KCNB2: variants seen among roughly 807,000 people sequenced by gnomAD.
The protein encoded by KCNB2 is potassium voltage-gated channel subfamily B member 2, also known as delayed rectifier potassium channel protein.
KCNB2 carries 15 observed loss-of-function variants against 61.5 expected under a neutral mutation model. The ratio of observed to expected loss-of-function variants is 0.24; its 90% CI spans 0.16 to 0.38. The LOEUF (loss-of-function observed/expected upper bound fraction) is 0.38. Among genes scored for constraint, KCNB2 ranks in the 10% least tolerant of loss-of-function variants. The pLI, the probability that KCNB2 is intolerant of heterozygous loss-of-function variation, is 1.00. For synonymous variants in KCNB2, 457 were observed against 446.0 expected (o/e 1.02, Z -0.31); for missense variants, 828 against 1,125.2 (o/e 0.74, Z 3.78).
intron 2 of KCNB2, among the ~76,000 whole-genome samples, chr8:72,787,290 G>A (rs1315987730): frequency 2.0e-5 from 3 of 151,980 alleles, no homozygotes; most frequent in Non-Finnish European, 4.4e-5. Flanking sequence ...GATACTTGGG[G>A]TGGGGCTGAG....
Position 72,763,956 on chromosome 8 carries a change from C to A in KCNB2, c.580-171979C>A, listed in dbSNP as rs1458672618. On this transcript the variant is annotated intron_variant, in intron 2 of 2. Coordinates refer to ENST00000523207, the MANE Select transcript of KCNB2 (RefSeq NM_004770.3). Reference sequence around the variant, plus strand: ...TCCGAGGCAGAGCAAACAGAATATACAAGGCACAGGCACAGCAGAGACCTT... The same window carrying A: ...TCCGAGGCAGAGCAAACAGAATATAAAAGGCACAGGCACAGCAGAGACCTT... Among the ~76,000 whole-genome samples the A allele has an allele frequency of 2.0e-5, 3 of 152,058 alleles. No individual in the cohort carries two copies. The South Asian group carries it at 6.2e-4, about 32-fold the overall frequency.
chr8:72,564,847 A>G (rs557986275), intron 1 of KCNB2, among the ~76,000 whole-genome samples: 1 of 152,298 alleles, frequency 6.6e-6, no homozygotes, highest in East Asian at 1.9e-4. Context: ...GAATTTATTT[A>G]ATAGACACTA....
chr8:72,738,538 T>C (rs572366176), intron 2 of KCNB2, among the ~76,000 whole-genome samples: 1 of 152,336 alleles, frequency 6.6e-6, no homozygotes, highest in South Asian at 2.1e-4. Flanking sequence ...GCGTCTATCC[T>C]TCAGAGCCAG....
At chr8:72,688,102 G>A (rs956059644) in intron 2 of KCNB2, among the ~76,000 whole-genome samples, 4 of 152,134 alleles carry the variant, frequency 2.6e-5, no homozygotes, top group Non-Finnish European at 5.9e-5. Flanking sequence ...TGAGAGCACC[G>A]CTGTATTTGC....
intron 2 of KCNB2, among the ~76,000 whole-genome samples, chr8:72,916,981 G>A (rs1458745447): frequency 6.6e-6 from 1 of 152,152 alleles, no homozygotes; most frequent in East Asian, 1.9e-4. Flanking sequence ...TTTGAGAAAA[G>A]GCAACATTCG....
At chr8:72,619,407 G>T (rs1175639374) in intron 2 of KCNB2, 1 of 434,226 alleles carries the variant, frequency 2.3e-6, no homozygotes, top group African/African-American at 2.1e-5. Context: ...TTACCAGGTA[G>T]ACATCCCTGT....
chr8:72,660,003 T>A (rs1247449501), intron 2 of KCNB2, among the ~76,000 whole-genome samples: 1 of 152,186 alleles, frequency 6.6e-6, no homozygotes, highest in Non-Finnish European at 1.5e-5. Flanking sequence ...TGGACACAAT[T>A]AACCTATGAC....
chr8:72,863,440 G>T (rs1471324935), intron 2 of KCNB2, among the ~76,000 whole-genome samples: 1 of 152,056 alleles, frequency 6.6e-6, no homozygotes, highest in Non-Finnish European at 1.5e-5. Flanking sequence ...ATTCACACCA[G>T]ATTATTATGC....
chr8:72,917,688 C>T (rs1806429434), intron 2 of KCNB2, among the ~76,000 whole-genome samples: 1 of 151,960 alleles, frequency 6.6e-6, no homozygotes, highest in African/African-American at 2.4e-5. Context: ...TCCCTTATAC[C>T]AAAATATATT....
At chr8:72,739,330 CA>C (rs1179632735) in intron 2 of KCNB2, among the ~76,000 whole-genome samples, 18 of 151,440 alleles carry the variant, frequency 1.2e-4, no homozygotes, top group Non-Finnish European at 2.2e-4. Context: ...ACAAAAATAT[CA>C]ATGAGGTATG....
intron 2 of KCNB2, among the ~76,000 whole-genome samples, chr8:72,823,404 G>A (rs1809543641): frequency 6.6e-6 from 1 of 152,120 alleles, no homozygotes; most frequent in Non-Finnish European, 1.5e-5. Flanking sequence ...ACTGGAGTCT[G>A]TGCACAGACA....
intron 2 of KCNB2, among the ~76,000 whole-genome samples, chr8:72,869,781 GAAGTTCCTCAAAAAACTGA>G (rs1416906356): frequency 6.6e-6 from 1 of 152,182 alleles, no homozygotes; most frequent in Non-Finnish European, 1.5e-5. Flanking sequence ...AAATAGTGTG[GAAGTTCCTCAAAAAACTGA>G]AAGTAGAACT....
chr8:72,571,093 G>C (rs1806700558), intron 2 of KCNB2, among the ~76,000 whole-genome samples: 1 of 152,164 alleles, frequency 6.6e-6, no homozygotes, highest in Admixed American at 6.6e-5. Context: ...TTATTTGCCA[G>C]ATCCCTAGTA....
At chr8:72,703,462 A>G (rs1474239702) in intron 2 of KCNB2, among the ~76,000 whole-genome samples, 1 of 152,166 alleles carries the variant, frequency 6.6e-6, no homozygotes, top group African/African-American at 2.4e-5. Context: ...ATCTTTCACA[A>G]TTGTCAGCAG....
intron 2 of KCNB2, among the ~76,000 whole-genome samples, chr8:72,884,280 G>A (rs1805767276): frequency 6.6e-6 from 1 of 151,048 alleles, no homozygotes. Context: ...TCTTCTTTAT[G>A]TTGACTTGTA....
At chr8:72,893,492 A>T (rs1213694167) in intron 2 of KCNB2, among the ~76,000 whole-genome samples, 1 of 152,186 alleles carries the variant, frequency 6.6e-6, no homozygotes. Flanking sequence ...TTTAACCATA[A>T]TACCTTCCAC....
At chr8:72,609,316 CTT>C (rs1308177518) in intron 2 of KCNB2, among the ~76,000 whole-genome samples, 1 of 152,204 alleles carries the variant, frequency 6.6e-6, no homozygotes, top group African/African-American at 2.4e-5. Context: ...TCAAAACTGA[CTT>C]AAGAGTAATC....
At chr8:72,698,430 A>G (rs7823417) in intron 2 of KCNB2, among the ~76,000 whole-genome samples, 2,128 of 152,318 alleles carry the variant, frequency 0.014, 42 homozygotes, top group African/African-American at 0.049. Flanking sequence ...TAAAATGTCC[A>G]TACTGCCCAA....
intron 2 of KCNB2, among the ~76,000 whole-genome samples, chr8:72,883,602 T>C (rs1250865336): frequency 2.0e-5 from 3 of 152,234 alleles, no homozygotes; most frequent in Non-Finnish European, 2.9e-5. Flanking sequence ...GTTGTTTTTT[T>C]CTAAGGAATA....
Sources: allele counts gnomAD v4.1 joint callset (sites outside exome capture counted in the v4.1 genomes callset), GRCh38; gene constraint gnomAD v4.1.1; transcripts MANE v1.5; gene names NCBI Gene and HGNC (gene_info 2026-07-23, HGNC 2026-07-21).